Variants in ZFHX3 observed in about 807,000 individuals in gnomAD.
ZFHX3 encodes zinc finger homeobox 3, also known as zinc finger homeobox protein 3.
ZFHX3 carries 42 observed loss-of-function variants against 279.1 expected under a neutral mutation model. That is an observed-to-expected ratio of 0.15 (90% CI 0.12 to 0.19). The LOEUF (loss-of-function observed/expected upper bound fraction) is 0.19. Ranked by LOEUF, ZFHX3 falls within the 10% of genes least tolerant of loss-of-function variation. ZFHX3 has a pLI of 1.00. For synonymous variants in ZFHX3, 2,293 were observed against 1,957.8 expected (o/e 1.17, Z -4.52); for missense variants, 4,981 against 4,754.0 (o/e 1.05, Z -1.40).
intron 2 of ZFHX3, among the ~76,000 whole-genome samples, chr16:73,647,494 C>G (rs150499878): frequency 6.6e-6 from 1 of 152,260 alleles, no homozygotes; most frequent in East Asian, 1.9e-4. Context: ...CTACTGCCAT[C>G]TTAAGACATC....
intron 3 of ZFHX3, among the ~76,000 whole-genome samples, chr16:72,936,543 G>A (rs1262685481): frequency 6.6e-6 from 1 of 152,212 alleles, no homozygotes; most frequent in Non-Finnish European, 1.5e-5. Context: ...AGAGCTGAAT[G>A]TCAAGGTCAA....
chr16:72,942,991 T>TAG (rs1960484035), intron 3 of ZFHX3, among the ~76,000 whole-genome samples: 1 of 152,232 alleles, frequency 6.6e-6, no homozygotes, highest in Non-Finnish European at 1.5e-5. Context: ...CCCTTCTTCT[T>TAG]GTTCCCCAGT....
chr16:73,213,136 G>A (rs999492190), intron 5 of ZFHX3, among the ~76,000 whole-genome samples: 1 of 152,278 alleles, frequency 6.6e-6, no homozygotes, highest in South Asian at 2.1e-4. Flanking sequence ...GGTATGATGA[G>A]AGAGGGATTC....
chr16:72,978,524 C>T (rs948375979), intron 1 of ZFHX3, among the ~76,000 whole-genome samples: 6 of 152,174 alleles, frequency 3.9e-5, no homozygotes, highest in Non-Finnish European at 7.4e-5. Context: ...CGAGGTCTCG[C>T]CTTCCTCTGG....
rs139760269 is a variant in ZFHX3 at position 72,835,761 on chromosome 16, G to A, written c.3449-5902C>T. On this transcript the variant is annotated intron_variant, in intron 4 of 9. Coordinates refer to ENST00000268489, the MANE Select transcript of ZFHX3 (RefSeq NM_006885.4). The stretch of plus-strand genomic sequence containing the variant: ...GTTCCTCTAACTCCTGTGTAGGTGC[G>A]GCATCCTGAGACTCATTGTATACCC... Among the ~76,000 whole-genome samples, 753 of 152,036 alleles carry A rather than the reference G, an allele frequency of 5.0e-3. 11 individuals are homozygous for A. The highest frequency in any genetic ancestry group is 0.015 in the African/African-American group (636 of 41,474).
chr16:73,762,268 C>A (rs922294557), intron 1 of ZFHX3, among the ~76,000 whole-genome samples: 1 of 152,080 alleles, frequency 6.6e-6, no homozygotes, highest in Non-Finnish European at 1.5e-5. Flanking sequence ...AAATGCAAAT[C>A]AAAACCGCAA....
chr16:73,458,577 C>T (rs894850448), intron 2 of ZFHX3, among the ~76,000 whole-genome samples: 2 of 152,044 alleles, frequency 1.3e-5, no homozygotes, highest in Admixed American at 6.6e-5. Flanking sequence ...AGGCTGGTCT[C>T]GAACTCCTGA....
chr16:72,962,773 C>T (rs746166900), intron 1 of ZFHX3, among the ~76,000 whole-genome samples: 3 of 152,092 alleles, frequency 2.0e-5, no homozygotes, highest in Admixed American at 6.5e-5. Context: ...AATACAGGTA[C>T]CAAGCACAGC....
In ZFHX3 at chr16:73,706,263, C is replaced by G. The variant is rs893486121; in HGVS notation, c.-1607-26023G>C. 9.2e-5 allele frequency among the ~76,000 whole-genome samples: 14 copies of G among 152,128 alleles called. No individual in the cohort carries two copies. In the East Asian group the frequency reaches 2.7e-3, roughly 29 times the overall value. On this transcript the variant is annotated intron_variant, in intron 1 of 17. Coordinates refer to the ZFHX3 transcript ENST00000641206. ...ATCACCTGAGGTCAGGAGTTTGAGA[C>G]CAACCTGGCCAACATGGTGAAACCC...
At chr16:73,841,010 A>G (rs1215883723) in intron 1 of ZFHX3, among the ~76,000 whole-genome samples, 1 of 152,140 alleles carries the variant, frequency 6.6e-6, no homozygotes, top group Non-Finnish European at 1.5e-5. Flanking sequence ...GGTGGTGAAA[A>G]ATGCATGTGT....
At chr16:73,616,526 T>A (rs62042998) in intron 2 of ZFHX3, among the ~76,000 whole-genome samples, 29,491 of 151,180 alleles carry the variant, frequency 0.2, 3,041 homozygotes, top group South Asian at 0.22. Context: ...TAAAAGCTTT[T>A]GTAACTCACA....
chr16:72,893,000 G>T (rs151196678), intron 3 of ZFHX3, among the ~76,000 whole-genome samples: 21 of 152,202 alleles, frequency 1.4e-4, no homozygotes, highest in South Asian at 6.2e-4. Context: ...ACTCCCCGAG[G>T]CCCCTCAGAA....
chr16:73,468,668 C>T (rs975608529), intron 2 of ZFHX3, among the ~76,000 whole-genome samples: 7 of 152,220 alleles, frequency 4.6e-5, no homozygotes, highest in African/African-American at 1.7e-4. Context: ...GCCCTGGAGG[C>T]AGACATTGCA....
At chr16:73,273,037 G>A (rs944314192) in intron 4 of ZFHX3, among the ~76,000 whole-genome samples, 14 of 152,034 alleles carry the variant, frequency 9.2e-5, no homozygotes, top group African/African-American at 2.9e-4. Flanking sequence ...GTGAGCCACC[G>A]TGCCCAGCCA....
Position 73,268,174 on chromosome 16 carries a change from G to C in ZFHX3, c.-1193-11038C>G, listed in dbSNP as rs1347228958. ...TACTCTTCTTCCTTTTTTTTCCCTAGACTAGGGTTTTGTAAGAAGCATGGT... is the reference window on the plus strand; with the variant it reads ...TACTCTTCTTCCTTTTTTTTCCCTACACTAGGGTTTTGTAAGAAGCATGGT... On this transcript the variant is annotated intron_variant, in intron 4 of 17. Coordinates refer to the ZFHX3 transcript ENST00000641206. Among the ~76,000 whole-genome samples the C allele has an allele frequency of 4.6e-5, 7 of 151,576 alleles. No homozygotes were observed. In the South Asian group the frequency reaches 1.5e-3, roughly 32 times the overall value.
At chr16:73,170,217 T>G (rs565862290) in intron 5 of ZFHX3, among the ~76,000 whole-genome samples, 14 of 141,092 alleles carry the variant, frequency 9.9e-5, no homozygotes, top group Admixed American at 6.2e-4. Flanking sequence ...CATCTTCCTT[T>G]CACTAGTTTT....
intron 3 of ZFHX3, among the ~76,000 whole-genome samples, chr16:73,349,886 A>C (rs1597296134): frequency 1.1e-4 from 12 of 106,644 alleles, no homozygotes; most frequent in African/African-American, 1.5e-4. Flanking sequence ...TCTCTTCTTT[A>C]CTCCCCTTCT....
rs532080194 is a variant in ZFHX3, at chr16:73,485,806, G to A, written c.-1546-29548C>T. On this transcript the variant is annotated intron_variant, in intron 2 of 17. Transcript: ENST00000641206. ...ATCCTCTTCCTCAGGTCACTGCTTA[G>A]ATACTACTTCCCCCACACAGCCTTC... 4.6e-5 allele frequency among the ~76,000 whole-genome samples: 7 copies of A among 152,270 alleles called. 1 individual carries two copies. The South Asian group carries it at 1.2e-3, about 27-fold the overall frequency.
At chr16:73,818,796 T>G (rs1191031684) in intron 1 of ZFHX3, among the ~76,000 whole-genome samples, 1 of 152,194 alleles carries the variant, frequency 6.6e-6, no homozygotes, top group Non-Finnish European at 1.5e-5. Context: ...AGTTTGGGCC[T>G]TCTCCTAACA....
Sources: allele counts gnomAD v4.1 joint callset (sites outside exome capture counted in the v4.1 genomes callset), GRCh38; gene constraint gnomAD v4.1.1; transcripts MANE v1.5; gene names NCBI Gene and HGNC (gene_info 2026-07-23, HGNC 2026-07-21).